SLC9A9: variants seen among roughly 807,000 people sequenced by gnomAD.
The protein encoded by SLC9A9 is sodium/hydrogen exchanger 9.
Under a neutral mutation model 77.8 loss-of-function variants are expected in SLC9A9, and 62 were observed. The ratio of observed to expected loss-of-function variants is 0.80; its 90% CI spans 0.65 to 0.98. The LOEUF (loss-of-function observed/expected upper bound fraction) is 0.98. Among genes scored for constraint, SLC9A9 ranks in the 50% least tolerant of loss-of-function variants. The pLI is 0.00. For synonymous variants in SLC9A9, 320 were observed against 283.5 expected (o/e 1.13, Z -1.29); for missense variants, 775 against 774.9 (o/e 1.00, Z 0.00).
At chr3:143,755,849 G>T (rs1426303396) in intron 4 of SLC9A9, among the ~76,000 whole-genome samples, 1 of 152,088 alleles carries the variant, frequency 6.6e-6, no homozygotes, top group African/African-American at 2.4e-5. Context: ...GTGTCTGTGT[G>T]TGATTTTTCA....
At chr3:143,774,704 AC>A (rs372846080) in intron 4 of SLC9A9, among the ~76,000 whole-genome samples, 20 of 143,756 alleles carry the variant, frequency 1.4e-4, no homozygotes, top group African/African-American at 4.1e-4. Flanking sequence ...GTTGAACTAT[AC>A]ATTGTAATAT....
intron 12 of SLC9A9, among the ~76,000 whole-genome samples, chr3:143,409,065 G>T (rs1559903230): frequency 6.6e-6 from 1 of 152,198 alleles, no homozygotes; most frequent in Non-Finnish European, 1.5e-5. Flanking sequence ...TTATGTCAGT[G>T]GTTCTCAGAA....
intron 4 of SLC9A9, among the ~76,000 whole-genome samples, chr3:143,702,405 A>T (rs1247736569): frequency 1.3e-5 from 2 of 152,128 alleles, no homozygotes; most frequent in African/African-American, 4.8e-5. Context: ...AAAAACAAAA[A>T]GTTAAAAAAC....
intron 12 of SLC9A9, among the ~76,000 whole-genome samples, chr3:143,451,053 C>T (rs561025701): frequency 6.6e-6 from 1 of 151,924 alleles, no homozygotes; most frequent in African/African-American, 2.4e-5. Flanking sequence ...GACAGTGCCA[C>T]CAAGAAGAAA....
chr3:143,409,423 C>G (rs896234114), intron 12 of SLC9A9, among the ~76,000 whole-genome samples: 1 of 152,200 alleles, frequency 6.6e-6, no homozygotes, highest in Non-Finnish European at 1.5e-5. Flanking sequence ...GGCTTAGCTG[C>G]TCAGTCCTTT....
rs140254538 is a variant in SLC9A9, at chr3:143,717,813, C to T, written c.534-24506G>A. 1.1e-4 allele frequency among the ~76,000 whole-genome samples: 17 copies of T among 152,192 alleles called. No homozygotes were observed. The East Asian group carries it at 3.1e-3, about 28-fold the overall frequency. Reference sequence around the variant, plus strand: ...ATGCAATTCTTCATTTCAGAGAGAGCTATATCACTGGGATTGAGGATAGAA... The same window carrying T: ...ATGCAATTCTTCATTTCAGAGAGAGTTATATCACTGGGATTGAGGATAGAA... On this transcript the variant is annotated intron_variant, in intron 4 of 15. Coordinates refer to ENST00000316549, the MANE Select transcript of SLC9A9 (RefSeq NM_173653.4).
intron 2 of SLC9A9, among the ~76,000 whole-genome samples, chr3:143,828,069 G>A (rs1448425809): frequency 6.6e-6 from 1 of 152,122 alleles, no homozygotes; most frequent in Non-Finnish European, 1.5e-5. Flanking sequence ...ATTTACTCAG[G>A]TCTCAGAATT....
chr3:143,460,297 A>G (rs2035167559), intron 12 of SLC9A9, among the ~76,000 whole-genome samples: 1 of 152,146 alleles, frequency 6.6e-6, no homozygotes, highest in South Asian at 2.1e-4. Context: ...TGCTTTGTTC[A>G]GTGTTTTTAG....
chr3:143,847,907 C>T, intron 1 of SLC9A9: 1 of 561,934 alleles, frequency 1.8e-6, no homozygotes, highest in Admixed American at 3.0e-5. Flanking sequence ...CATCTGTCAA[C>T]AGACTTGCAT....
chr3:143,438,076 C>T (rs1288935453), intron 12 of SLC9A9, among the ~76,000 whole-genome samples: 2 of 152,170 alleles, frequency 1.3e-5, no homozygotes, highest in South Asian at 2.1e-4. Flanking sequence ...AAAGGAAAGG[C>T]CAGGCTGGGA....
chr3:143,507,944 C>T (rs992898055), intron 9 of SLC9A9, among the ~76,000 whole-genome samples: 1 of 152,170 alleles, frequency 6.6e-6, no homozygotes, highest in Non-Finnish European at 1.5e-5. Flanking sequence ...ATGAATCCCA[C>T]TAGTGAGGGC....
chr3:143,646,037 T>C (rs1238250088), intron 6 of SLC9A9, among the ~76,000 whole-genome samples: 1 of 152,112 alleles, frequency 6.6e-6, no homozygotes, highest in East Asian at 1.9e-4. Context: ...CTATCATGGG[T>C]AGCAAAAGAA....
At chr3:143,350,606 G>C (rs188277573) in intron 14 of SLC9A9, among the ~76,000 whole-genome samples, 26 of 152,140 alleles carry the variant, frequency 1.7e-4, no homozygotes, top group Non-Finnish European at 3.8e-4. Context: ...AAGAAAACAC[G>C]TCTGTTGTGT....
chr3:143,267,604 T>G (rs1236059485), intron 15 of SLC9A9, among the ~76,000 whole-genome samples: 1 of 152,100 alleles, frequency 6.6e-6, no homozygotes, highest in African/African-American at 2.4e-5. Context: ...CCATTCACTT[T>G]GGTCTCCCAA....
intron 10 of SLC9A9, among the ~76,000 whole-genome samples, chr3:143,495,042 C>A (rs1306353617): frequency 6.6e-6 from 1 of 152,194 alleles, no homozygotes; most frequent in Non-Finnish European, 1.5e-5. Context: ...GTAAATGATT[C>A]ATAATTATAG....
intron 9 of SLC9A9, among the ~76,000 whole-genome samples, chr3:143,498,249 T>A (rs2108594579): frequency 6.6e-6 from 1 of 152,358 alleles, no homozygotes; most frequent in South Asian, 2.1e-4. Flanking sequence ...CTCTTTTAAA[T>A]TAATGTGGAT....
chr3:143,795,096 A>G lies in SLC9A9; in HGVS notation c.457-19T>C, dbSNP rs752632236. On this transcript the variant is annotated intron_variant, in intron 3 of 15. Coordinates refer to ENST00000316549, the MANE Select transcript of SLC9A9 (RefSeq NM_173653.4). ...AGTGTCTCTGGGGAGAAAAAAAGATATTTAATAGAGTACATCAGAATTTTT... is the reference window on the plus strand; with the variant it reads ...AGTGTCTCTGGGGAGAAAAAAAGATGTTTAATAGAGTACATCAGAATTTTT... 8.8e-6 allele frequency: 14 copies of G among 1,598,346 alleles called. No homozygotes were observed. The highest frequency in any genetic ancestry group is 6.0e-6 in the Non-Finnish European group (7 of 1,167,274).
chr3:143,835,103 G>A lies in SLC9A9; in HGVS notation c.176-2882C>T, dbSNP rs115922675. On this transcript the variant is annotated intron_variant, in intron 1 of 15. Transcript: ENST00000316549. ...TCCTAGAATTGCACCACAGCCTAAA[G>A]ATTTCCTACCCAGCTTTCCTTCCTT... 4.3e-3 allele frequency among the ~76,000 whole-genome samples: 661 copies of A among 152,270 alleles called. 5 individuals are homozygous for A. The highest frequency in any genetic ancestry group is 0.015 in the African/African-American group (635 of 41,544).
chr3:143,673,194 G>C (rs2039186494), intron 5 of SLC9A9, among the ~76,000 whole-genome samples: 1 of 152,152 alleles, frequency 6.6e-6, no homozygotes, highest in African/African-American at 2.4e-5. Context: ...AAAACTCAAT[G>C]CTATACATTT....
Sources: allele counts gnomAD v4.1 joint callset (sites outside exome capture counted in the v4.1 genomes callset), GRCh38; gene constraint gnomAD v4.1.1; transcripts MANE v1.5; gene names NCBI Gene and HGNC (gene_info 2026-07-23, HGNC 2026-07-21).